The following ADGRE3 variants were observed in gnomAD, a reference collection of about 807,000 sequenced individuals.
ADGRE3 encodes adhesion G protein-coupled receptor E3.
In ADGRE3, 88 loss-of-function variants were observed where a neutral mutation model predicts 80.1. The ratio of observed to expected loss-of-function variants is 1.10; its 90% CI spans 0.93 to 1.31. The LOEUF (loss-of-function observed/expected upper bound fraction) is 1.31. Ranked by LOEUF, ADGRE3 falls within the 40% of genes most tolerant of loss-of-function variation. The pLI, the probability that ADGRE3 is intolerant of heterozygous loss-of-function variation, is 0.00. For synonymous variants in ADGRE3, 281 were observed against 294.8 expected (o/e 0.95, Z 0.48); for missense variants, 715 against 776.5 (o/e 0.92, Z 0.94).
downstream of ADGRE3, among the ~76,000 whole-genome samples, chr19:14,616,106 A>G (rs2075074001): frequency 6.6e-6 from 1 of 151,296 alleles, no homozygotes; most frequent in African/African-American, 2.4e-5. Context: ...TAATTTTTGT[A>G]TTTTTAGTAG....
chr19:14,621,432 G>T (rs1970605020), intron 15 of ADGRE3, among the ~76,000 whole-genome samples: 1 of 151,756 alleles, frequency 6.6e-6, no homozygotes, highest in Non-Finnish European at 1.5e-5. Context: ...TCTAGCCTGG[G>T]TGATAGAGTG....
chr19:14,647,991 A>G (rs1303794796), intron 7 of ADGRE3, among the ~76,000 whole-genome samples: 3 of 150,954 alleles, frequency 2.0e-5, no homozygotes, highest in Non-Finnish European at 4.4e-5. Flanking sequence ...CTGAGGCTGG[A>G]GAATCGCTTG....
At chr19:14,650,224 A>C (rs1256915985) in intron 7 of ADGRE3, among the ~76,000 whole-genome samples, 9 of 123,566 alleles carry the variant, frequency 7.3e-5, no homozygotes, top group South Asian at 2.6e-4. Flanking sequence ...CTCTGTCCCC[A>C]TCTCTCTCTT....
At position 14,641,723 on chromosome 19, in the gene ADGRE3, G is replaced by A. The variant is rs558130892; in HGVS notation, c.1051-107C>T. On this transcript the variant is annotated intron_variant, in intron 9 of 15. Coordinates refer to ENST00000253673, the MANE Select transcript of ADGRE3 (RefSeq NM_032571.5). The stretch of plus-strand genomic sequence containing the variant: ...CACAGGCACCAAGCCCAGTGGTAGT[G>A]TGGGACCGTTAGACTGCTAATGTAG... 131 of 1,376,732 alleles carry A rather than the reference G, an allele frequency of 9.5e-5. No individual in the cohort carries two copies. In the African/African-American group the frequency reaches 1.7e-3, roughly 18 times the overall value. The allele number at this position is 1,376,732 out of a possible 1,614,324, so 85.3% of individuals were successfully genotyped here.
intron 14 of ADGRE3, among the ~76,000 whole-genome samples, chr19:14,626,467 A>G (rs1970741610): frequency 6.6e-6 from 1 of 152,158 alleles, no homozygotes; most frequent in Non-Finnish European, 1.5e-5. Flanking sequence ...AAGAAAAAAT[A>G]GAAAATGTAT....
chr19:14,657,173 T>C (rs1237655945), intron 5 of ADGRE3, among the ~76,000 whole-genome samples: 1 of 152,050 alleles, frequency 6.6e-6, no homozygotes, highest in African/African-American at 2.4e-5. Flanking sequence ...TTACAGGCAT[T>C]AGCCGCCATG....
chr19:14,673,319 G>T (rs1293809224), intron 1 of ADGRE3, among the ~76,000 whole-genome samples: 1 of 152,214 alleles, frequency 6.6e-6, no homozygotes, highest in Non-Finnish European at 1.5e-5. Context: ...AGCAATTTAA[G>T]CCTAATGCCA....
chr19:14,664,234 T>C (rs1483806264), intron 2 of ADGRE3, among the ~76,000 whole-genome samples: 3 of 152,004 alleles, frequency 2.0e-5, no homozygotes, highest in African/African-American at 7.3e-5. Flanking sequence ...GGTCAGGAGT[T>C]TGAGACCAGC....
At chr19:14,642,171 T>C (rs1599624574) in intron 9 of ADGRE3, among the ~76,000 whole-genome samples, 1 of 152,108 alleles carries the variant, frequency 6.6e-6, no homozygotes, top group East Asian at 1.9e-4. Flanking sequence ...CATTTAAAAA[T>C]GGCTTAGATG....
the ADGRE3 span, among the ~76,000 whole-genome samples, chr19:14,606,401 G>A: frequency 6.6e-6 from 1 of 150,818 alleles, no homozygotes; most frequent in African/African-American, 2.4e-5. Context: ...AAATTAGGCT[G>A]GATGTGGTAG....
chr19:14,648,966 TCCC>T (rs1352071596), intron 7 of ADGRE3, among the ~76,000 whole-genome samples: 2 of 150,886 alleles, frequency 1.3e-5, no homozygotes, highest in African/African-American at 4.9e-5. Flanking sequence ...TCCATCTCTC[TCCC>T]CCATTTCTCT....
chr19:14,614,043 G>A, the ADGRE3 span, among the ~76,000 whole-genome samples: 1 of 152,126 alleles, frequency 6.6e-6, no homozygotes, highest in African/African-American at 2.4e-5. Flanking sequence ...GGAGTGCAGT[G>A]GCATTTCACA....
At chr19:14,601,777 A>T in the ADGRE3 span, among the ~76,000 whole-genome samples, 8 of 151,964 alleles carry the variant, frequency 5.3e-5, no homozygotes, top group Non-Finnish European at 1.0e-4. Context: ...TTGCCACTGT[A>T]CCCAGCAAAT....
intron 4 of ADGRE3, 62 bp from the exon 5 acceptor site, chr19:14,658,612 G>C: frequency 7.5e-7 from 1 of 1,332,174 alleles, no homozygotes; most frequent in Non-Finnish European, 1.0e-6. Flanking sequence ...AGAGGGGTGG[G>C]CAGGTGGGGT....
In ADGRE3 at chr19:14,644,117, C is replaced by G; in HGVS notation, c.1041G>C (p.Leu347=). Residue 347 remains leucine (L), a synonymous_variant, in exon 9 of 16, where the codon CTG becomes CTC. Transcript: ENST00000253673. The part of the protein sequence containing the change: ...HLSSFAVLMA[L]TSQEEDPVLT... ...AACATATACATCATACCTGGCTGGT[C>G]AGGGCCATCAGGACAGCGAAGCTGG... The G allele has an allele frequency of 6.5e-7, 1 of 1,536,416 alleles. No individual in the cohort carries two copies. Among genetic ancestry groups the G allele is most frequent in the South Asian group, 1.2e-5 (1 of 80,638 alleles).
At chr19:14,643,765 C>T (rs560301844) in intron 9 of ADGRE3, among the ~76,000 whole-genome samples, 13 of 151,904 alleles carry the variant, frequency 8.6e-5, no homozygotes, top group African/African-American at 2.2e-4. Context: ...GGCTGGAGTG[C>T]AATGGCTTGC....
chr19:14,600,418 G>A, the ADGRE3 span, among the ~76,000 whole-genome samples: 2 of 152,116 alleles, frequency 1.3e-5, no homozygotes, highest in South Asian at 4.2e-4. Flanking sequence ...TTCAAGTATC[G>A]GTTTTATCTC....
chr19:14,655,323 C>A (rs1362766093), intron 5 of ADGRE3, among the ~76,000 whole-genome samples, 158 bp from the exon 6 acceptor site: 1 of 152,156 alleles, frequency 6.6e-6, no homozygotes, highest in Non-Finnish European at 1.5e-5. Context: ...TGACCTTGGG[C>A]AAGTCACTCA....
intron 8 of ADGRE3, 108 bp from the exon 9 acceptor site, chr19:14,644,383 C>T (rs1458343231): frequency 4.0e-6 from 3 of 749,124 alleles, no homozygotes; most frequent in Admixed American, 3.3e-5. Context: ...TGCAGTGGCT[C>T]AATCTCGGCT....
Sources: allele counts gnomAD v4.1 joint callset (sites outside exome capture counted in the v4.1 genomes callset), GRCh38; gene constraint gnomAD v4.1.1; transcripts MANE v1.5; gene names NCBI Gene and HGNC (gene_info 2026-07-23, HGNC 2026-07-21).